Variants in UBAP2L observed in about 807,000 individuals in gnomAD.
UBAP2L encodes ubiquitin-associated protein 2-like.
UBAP2L carries 12 observed loss-of-function variants against 130.6 expected under a neutral mutation model. That is an observed-to-expected ratio of 0.09 (90% confidence interval 0.06 to 0.15). UBAP2L has a LOEUF of 0.15. Among genes scored for constraint, UBAP2L ranks in the 10% least tolerant of loss-of-function variants. The probability of loss-of-function intolerance (pLI) is 1.00; values close to 1 mark genes in which losing one functional copy is unlikely to be tolerated. For missense variants in UBAP2L, 965 were observed against 1,332.5 expected, an observed-to-expected ratio of 0.72 and a Z score of 4.29; for synonymous variants, 503 against 524.7, an observed-to-expected ratio of 0.96 and a Z score of 0.57.
At chr1:154,220,878 CGCGAGAGGGAAA>C, upstream of UBAP2L, 1 of 124,300 alleles carries the variant, frequency 8.0e-6, no homozygotes, top group Non-Finnish European at 1.6e-5. Flanking sequence ...CGAGAGCGAG[CGCGAGAGGGAAA>C]AGGAGGGAGG....
chr1:154,226,560 A>G (rs1667998650), intron 2 of UBAP2L, among the ~76,000 whole-genome samples: 1 of 152,220 alleles, frequency 6.6e-6, no homozygotes, highest in Non-Finnish European at 1.5e-5. Context: ...GTATCTGAAC[A>G]TACACTGGAT....
chr1:154,241,781 A>G, intron 9 of UBAP2L: 1 of 985,396 alleles, frequency 1.0e-6, no homozygotes, highest in Non-Finnish European at 1.2e-6. Flanking sequence ...CACTATGGAA[A>G]GGGCAAGTGC....
chr1:154,264,449 G>C (rs1313818040), intron 24 of UBAP2L, among the ~76,000 whole-genome samples: 1 of 152,032 alleles, frequency 6.6e-6, no homozygotes, highest in Non-Finnish European at 1.5e-5. Flanking sequence ...ACTGGTGAGG[G>C]GTAGTGAAAT....
chr1:154,231,256 C>T (rs546318780), intron 4 of UBAP2L, among the ~76,000 whole-genome samples: 43 of 150,890 alleles, frequency 2.8e-4, no homozygotes, highest in African/African-American at 9.5e-4. Flanking sequence ...TCTTTAGTAG[C>T]TGGGACAACA....
chr1:154,234,304 A>C (rs939576430), intron 4 of UBAP2L, among the ~76,000 whole-genome samples: 1 of 152,168 alleles, frequency 6.6e-6, no homozygotes, highest in Non-Finnish European at 1.5e-5. Flanking sequence ...TGGAGGTTGC[A>C]GTGAGCCAAG....
Position 154,257,110 on chromosome 1 carries a change from T to G in UBAP2L, c.2205T>G (p.Thr735=), listed in dbSNP as rs1448443046. 6.2e-7 allele frequency: 1 copy of G among 1,614,056 alleles called. No individual in the cohort carries two copies. The highest frequency in any genetic ancestry group is 1.6e-4 in the Middle Eastern group (1 of 6,062). Residue 735 remains threonine (T), a synonymous_variant, in exon 19 of 27, where the codon ACT becomes ACG. Coordinates refer to ENST00000428931, the MANE Select transcript of UBAP2L (RefSeq NM_014847.4). ...SEANLHSSSS[T]FSTTSSTVSA... ...CGAATCTCCATTCTTCCTCCAGCAC[T>G]TTTTCCACCACATCCAGCACAGTCT...
At position 154,251,606 on chromosome 1, in the gene UBAP2L, C is replaced by T. The variant is rs892901727; in HGVS notation, c.1617C>T (p.Ser539=). The T allele has an allele frequency of 2.2e-5, 36 of 1,613,950 alleles. No individual in the cohort carries two copies. The highest frequency in any genetic ancestry group is 3.1e-5 in the Non-Finnish European group (36 of 1,180,018). The change falls in exon 14 of 27, where the codon AGC becomes AGT. Residue 539 remains serine (S), a synonymous_variant. Coordinates refer to ENST00000428931, the MANE Select transcript of UBAP2L (RefSeq NM_014847.4). ...LSDYESTPTT[S]ASSSQAPSSL... ...ATTATGAGTCCACCCCCACCACGAGCGCCTCTTCAAGCCAGGCTCCAAGTA... is the reference window on the plus strand; with the variant it reads ...ATTATGAGTCCACCCCCACCACGAGTGCCTCTTCAAGCCAGGCTCCAAGTA...
chr1:154,254,181 C>G lies in UBAP2L; in HGVS notation c.1854+92C>G, dbSNP rs540428448. ...GTGTTTTACTTTTCAGCAAGTGGTG[C>G]TAAGAAACTTTGGAAGTAGTGATTG... On this transcript the variant is annotated intron_variant, in intron 15 of 26. Coordinates refer to ENST00000428931, the MANE Select transcript of UBAP2L (RefSeq NM_014847.4). 209 of 1,201,580 alleles carry G rather than the reference C, an allele frequency of 1.7e-4. 1 individual carries two copies. The African/African-American group carries it at 2.8e-3, about 16-fold the overall frequency. The allele number at this position is 1,201,580 out of a possible 1,614,324, so 74.4% of individuals were successfully genotyped here. A position where few individuals can be genotyped will look rare whatever the true frequency, so the allele number is the denominator to read the frequency against.
In UBAP2L at chr1:154,270,718, C is replaced by G. The variant is rs976995095; in HGVS notation, c.*423C>G. ...ACAACAACAAACAAAAAAATGGCGT[C>G]ATGAATATGAACAGCATTGTCAGAT... On this transcript the variant is annotated 3_prime_UTR_variant, in exon 27 of 27. Coordinates refer to ENST00000428931, the MANE Select transcript of UBAP2L (RefSeq NM_014847.4). 2 of 1,398,448 alleles carry G rather than the reference C, an allele frequency of 1.4e-6. No homozygotes were observed. The highest frequency in any genetic ancestry group is 1.5e-5 in the African/African-American group (1 of 67,510). 86.6% of individuals were successfully genotyped at this position (1,398,448 alleles called of 1,614,324 possible). A position where few individuals can be genotyped will look rare whatever the true frequency, so the allele number is the denominator to read the frequency against.
At position 154,225,162 on chromosome 1, in the gene UBAP2L, C is replaced by T; in HGVS notation, c.39C>T (p.Asn13=). The part of the protein sequence containing the change: ...TSVGTNRARG[N]WEQPQNQNQT... Reference sequence around the variant, plus strand: ...TGGGCACTAACCGAGCCCGGGGAAACTGGGAACAACCTCAAAACCAAAACC... The same window carrying T: ...TGGGCACTAACCGAGCCCGGGGAAATTGGGAACAACCTCAAAACCAAAACC... Residue 13 remains asparagine, a synonymous_variant, in exon 2 of 27, where the codon AAC becomes AAT. Transcript: ENST00000428931. 1 of 1,614,090 alleles carries T rather than the reference C, an allele frequency of 6.2e-7. No individual in the cohort carries two copies. Among genetic ancestry groups the T allele is most frequent in the Non-Finnish European group, 8.5e-7 (1 of 1,180,002 alleles).
chr1:154,265,551 G>A (rs896169432), intron 24 of UBAP2L, among the ~76,000 whole-genome samples: 2 of 152,076 alleles, frequency 1.3e-5, no homozygotes, highest in African/African-American at 4.8e-5. Flanking sequence ...AAGATGTTAG[G>A]TTATTTATTT....
Position 154,266,616 on chromosome 1 carries a change from G to T in UBAP2L, c.2970+48G>T, listed in dbSNP as rs549354342. The T allele has an allele frequency of 6.3e-6, 10 of 1,584,616 alleles. No homozygotes were observed. In the African/African-American group the frequency reaches 1.2e-4, roughly 19 times the overall value. On this transcript the variant is annotated intron_variant, in intron 25 of 26. Transcript: ENST00000428931. ...AAGTGGAAAAGAGATAGACATAGAG[G>T]AGGTGGAGTTGCAATGGTAGAAATA...
chr1:154,230,520 CT>C (rs1669502091), intron 4 of UBAP2L, among the ~76,000 whole-genome samples: 1 of 152,076 alleles, frequency 6.6e-6, no homozygotes, highest in Admixed American at 6.5e-5. Flanking sequence ...TCAAGATATG[CT>C]TTTGATTTGT....
chr1:154,251,089 G>T lies in UBAP2L; in HGVS notation c.1262G>T (p.Arg421Leu), dbSNP rs140116554. 1.8e-5 allele frequency: 29 copies of T among 1,613,860 alleles called. No individual in the cohort carries two copies. Among genetic ancestry groups the T allele is most frequent in the African/African-American group, 2.7e-5 (2 of 74,898 alleles). ...DSAVHSPFTK[R>L]QAFTPSSTMM... is the part of the protein sequence containing the mutation. ...GCAGTGCACAGCCCCTTTACAAAGC[G>T]CCAGGCTTTTACCCCATCTTCAACC... The change falls in exon 13 of 27, where the codon CGC (arginine) becomes CTC (leucine). Residue 421 changes from arginine (R) to leucine (L), a missense_variant. By Grantham distance (102) the Arg-to-Leu change is moderately radical. This residue lies in a region of UBAP2L where 74 missense variants were observed against 97.1 expected (regional missense o/e 0.76). Transcript: ENST00000428931.
intron 24 of UBAP2L, among the ~76,000 whole-genome samples, chr1:154,262,507 T>G (rs1316104719): frequency 1.3e-5 from 2 of 152,168 alleles, no homozygotes; most frequent in East Asian, 3.9e-4. Flanking sequence ...CTCTGATTGC[T>G]TAGGGTTGGG....
chr1:154,234,219 C>G (rs539620205), intron 4 of UBAP2L, among the ~76,000 whole-genome samples: 1 of 151,836 alleles, frequency 6.6e-6, no homozygotes, highest in African/African-American at 2.4e-5. Flanking sequence ...AAAAATTAGC[C>G]GGGCATGGTG....
At chr1:154,236,279 G>C (rs1271303639) in intron 6 of UBAP2L, among the ~76,000 whole-genome samples, 1 of 152,084 alleles carries the variant, frequency 6.6e-6, no homozygotes, top group African/African-American at 2.4e-5. Context: ...GCTCACTGTA[G>C]CCTCTGCCTC....
chr1:154,236,743 G>T (rs1239889085), intron 7 of UBAP2L, 132 bp downstream of exon 7: 7 of 922,098 alleles, frequency 7.6e-6, no homozygotes, highest in Non-Finnish European at 1.2e-5. Context: ...ATTTCTTAGG[G>T]ATAAACCTTT....
intron 24 of UBAP2L, among the ~76,000 whole-genome samples, chr1:154,262,401 C>T (rs1443704266): frequency 6.6e-6 from 1 of 152,184 alleles, no homozygotes; most frequent in Admixed American, 6.5e-5. Context: ...GACATCTGTG[C>T]TCTACTTTTG....
Sources: gnomAD v4.1 joint callset for allele counts (sites outside exome capture counted in the v4.1 genomes callset) on GRCh38, gnomAD v4.1.1 for gene constraint, gnomAD v4.1.1 regional missense constraint, MANE v1.5 for transcripts, NCBI Gene and HGNC (gene_info 2026-07-23, HGNC 2026-07-21) for gene names.